Variants in THSD4 observed in about 807,000 individuals in gnomAD.
The protein encoded by THSD4 is thrombospondin type-1 domain-containing protein 4.
A neutral mutation model predicts 119.0 loss-of-function variants in THSD4; 69 were observed. The observed-to-expected ratio is 0.58, with a 90% CI of 0.48 to 0.71. The LOEUF (loss-of-function observed/expected upper bound fraction) is 0.71, where lower values mean the gene tolerates loss of function less well. Ranked by LOEUF, THSD4 falls within the 30% of genes least tolerant of loss-of-function variation. The pLI is 0.00. For synonymous variants in THSD4, 524 were observed against 540.4 expected (o/e 0.97, Z 0.42); for missense variants, 1,393 against 1,391.1 (o/e 1.00, Z -0.02).
chr15:71,410,228 G>A (rs557788905), intron 6 of THSD4, among the ~76,000 whole-genome samples: 3 of 152,210 alleles, frequency 2.0e-5, no homozygotes, highest in South Asian at 2.1e-4. Context: ...TTTACTATGC[G>A]CCAAGCTCTG....
chr15:71,162,051 C>T (rs906225850), intron 3 of THSD4, among the ~76,000 whole-genome samples: 5 of 151,938 alleles, frequency 3.3e-5, no homozygotes, highest in Admixed American at 6.6e-5. Context: ...GTTTTGGTTG[C>T]CTTAATTTAC....
chr15:71,703,732 C>T, intron 8 of THSD4, among the ~76,000 whole-genome samples: 1 of 152,174 alleles, frequency 6.6e-6, no homozygotes, highest in South Asian at 2.1e-4. Context: ...TAGGGAGCCT[C>T]CTCAATTTCT....
At chr15:71,720,405 A>G (rs1194791643) in intron 8 of THSD4, among the ~76,000 whole-genome samples, 3 of 152,222 alleles carry the variant, frequency 2.0e-5, no homozygotes, top group Non-Finnish European at 4.4e-5. Context: ...AATAATTATC[A>G]TAATTTCAAA....
At chr15:71,460,683 A>C (rs1176560788) in intron 7 of THSD4, among the ~76,000 whole-genome samples, 1 of 152,136 alleles carries the variant, frequency 6.6e-6, no homozygotes, top group Admixed American at 6.5e-5. Context: ...AAAATAGTAA[A>C]AGACTGCCTT....
chr15:71,408,263 T>G (rs1462518777), intron 6 of THSD4, among the ~76,000 whole-genome samples: 1 of 152,176 alleles, frequency 6.6e-6, no homozygotes. Flanking sequence ...ATCTTGCTCT[T>G]GCTCTGTCAT....
intron 5 of THSD4, among the ~76,000 whole-genome samples, chr15:71,245,501 C>A (rs1160885324): frequency 6.6e-6 from 1 of 152,056 alleles, no homozygotes; most frequent in African/African-American, 2.4e-5. Context: ...CTTATTACAG[C>A]CAAAGGATTG....
At position 71,138,356 on chromosome 15, in the gene THSD4, C is replaced by T. The variant is rs966396749; in HGVS notation, c.-79-3093C>T. Among the ~76,000 whole-genome samples, 7 of 152,192 alleles carry T rather than the reference C, an allele frequency of 4.6e-5. No homozygotes were observed. The South Asian group carries it at 1.4e-3, about 32-fold the overall frequency. On this transcript the variant is annotated intron_variant, in intron 1 of 17. Coordinates refer to ENST00000261862, the MANE Select transcript of THSD4 (RefSeq NM_024817.3). ...GATCCAGTCACTTCCCACCTGGTCC[C>T]TCCCTTGACACGTGGGGATTATGGG...
At chr15:71,436,035 AGAATGCT>A (rs1321822595) in intron 7 of THSD4, among the ~76,000 whole-genome samples, 2 of 152,332 alleles carry the variant, frequency 1.3e-5, no homozygotes, top group East Asian at 3.9e-4. Flanking sequence ...AGACCAAGGG[AGAATGCT>A]CCCTCTTGGT....
At chr15:71,423,625 C>T (rs1288487387) in intron 7 of THSD4, among the ~76,000 whole-genome samples, 2 of 152,226 alleles carry the variant, frequency 1.3e-5, no homozygotes, top group Non-Finnish European at 2.9e-5. Context: ...TAGAGGCAAG[C>T]TGCACTGCCT....
rs747439746 is a variant in THSD4 at position 71,660,614 on chromosome 15, G to A, written c.1237G>A (p.Val413Ile). ...TGGAGGAGACAACACGGGCTGTCAG[G>A]TTGTGTCGGGCGTGTTTAAGCATGC... ...VCGGDNTGCQ[V>I]VSGVFKHALT... Residue 413 changes from valine to isoleucine, a missense_variant, in exon 8 of 18, where the codon GTT (valine) becomes ATT (isoleucine). Val to Ile is a conservative substitution (Grantham distance 29). Coordinates refer to ENST00000261862, the MANE Select transcript of THSD4 (RefSeq NM_024817.3). The A allele has an allele frequency of 6.2e-7, 1 of 1,614,208 alleles. No homozygotes were observed. The highest frequency in any genetic ancestry group is 8.5e-7 in the Non-Finnish European group (1 of 1,180,042).
rs1174474317 is a variant in THSD4 at position 71,411,780 on chromosome 15, G to C, written c.1109G>C (p.Cys370Ser). The C allele has an allele frequency of 6.2e-7, 1 of 1,614,138 alleles. No homozygotes were observed. The highest frequency in any genetic ancestry group is 1.1e-5 in the South Asian group (1 of 91,082). Residue 370 changes from cysteine (C) to serine (S), a missense_variant, in exon 7 of 18, where the codon TGT (cysteine) becomes TCT (serine). Physicochemically the swap from Cys to Ser is moderately radical, Grantham distance 112 (BLOSUM62 -1). Coordinates refer to ENST00000261862, the MANE Select transcript of THSD4 (RefSeq NM_024817.3). ...QAEKVIDGTP[C>S]DQNGTAICVS... ...GAGAAAGTCATCGATGGCACCCCCT[G>C]TGACCAGAACGGCACGGCCATCTGT...
At chr15:71,119,535 A>T (rs941552334) in intron 1 of THSD4, among the ~76,000 whole-genome samples, 74 of 152,180 alleles carry the variant, frequency 4.9e-4, no homozygotes, top group African/African-American at 1.7e-3. Flanking sequence ...CAAGGCCAGG[A>T]AGAGGGTCCT....
At chr15:71,310,987 T>C (rs562197071) in intron 6 of THSD4, among the ~76,000 whole-genome samples, 2 of 152,300 alleles carry the variant, frequency 1.3e-5, no homozygotes, top group African/African-American at 2.4e-5. Context: ...TCAGATTTAG[T>C]TCAGTGTTAA....
At chr15:71,553,292 T>C (rs1030377815) in intron 7 of THSD4, among the ~76,000 whole-genome samples, 3 of 151,894 alleles carry the variant, frequency 2.0e-5, no homozygotes, top group African/African-American at 7.3e-5. Flanking sequence ...CTGAATAAGA[T>C]AAATGAATGT....
chr15:71,703,837 T>G (rs1304352023), intron 8 of THSD4, among the ~76,000 whole-genome samples: 2 of 152,070 alleles, frequency 1.3e-5, no homozygotes, highest in East Asian at 3.9e-4. Flanking sequence ...CTACAAAGAT[T>G]GGGGTTTTTT....
intron 6 of THSD4, among the ~76,000 whole-genome samples, chr15:71,388,807 A>G (rs1007701723): frequency 6.6e-6 from 1 of 152,068 alleles, no homozygotes; most frequent in African/African-American, 2.4e-5. Context: ...AAAACTTACC[A>G]TCCAATATGG....
rs1195772745 is a variant in THSD4, at chr15:71,748,410, CTG to C, written c.2242-7_2242-6del. ...TGCTGGTTCCCCTGACGTCAGTGTG[CTG>C]TGTTTCAGTGCTCGGTGCCCTGCGG... On this transcript the variant is annotated splice_polypyrimidine_tract_variant and intron_variant, in intron 13 of 17. Transcript: ENST00000261862. 1 of 1,613,782 alleles carries C rather than the reference CTG, an allele frequency of 6.2e-7. No homozygotes were observed. Among genetic ancestry groups the C allele is most frequent in the African/African-American group, 1.3e-5 (1 of 74,910 alleles).
At chr15:71,455,971 G>A (rs999279496) in intron 7 of THSD4, among the ~76,000 whole-genome samples, 1 of 152,184 alleles carries the variant, frequency 6.6e-6, no homozygotes, top group African/African-American at 2.4e-5. Flanking sequence ...AAAGTCAGGG[G>A]TCAAGCTCAG....
intron 7 of THSD4, among the ~76,000 whole-genome samples, chr15:71,470,921 C>T (rs978494317): frequency 6.6e-6 from 1 of 152,120 alleles, no homozygotes; most frequent in African/African-American, 2.4e-5. Flanking sequence ...AGGCGTGAGC[C>T]ACCGCGCCCG....
Sources: allele counts gnomAD v4.1 joint callset (sites outside exome capture counted in the v4.1 genomes callset), GRCh38; gene constraint gnomAD v4.1.1; transcripts MANE v1.5; gene names NCBI Gene and HGNC (gene_info 2026-07-23, HGNC 2026-07-21).